Variants in ADAMTS20 observed in about 807,000 individuals in gnomAD.
ADAMTS20 encodes A disintegrin and metalloproteinase with thrombospondin motifs 20.
ADAMTS20 carries 225 observed loss-of-function variants against 260.1 expected under a neutral mutation model. That is an observed-to-expected ratio of 0.87 (90% CI 0.78 to 0.97). The LOEUF is 0.97. Ranked by LOEUF, ADAMTS20 falls within the 50% of genes least tolerant of loss-of-function variation. The probability of loss-of-function intolerance (pLI) is 0.00; values close to 1 mark genes in which losing one functional copy is unlikely to be tolerated. For synonymous variants in ADAMTS20, 802 were observed against 769.5 expected (o/e 1.04, Z -0.70); for missense variants, 2,400 against 2,337.7 (o/e 1.03, Z -0.55).
chr12:43,403,433 A>G (rs1471063694), intron 28 of ADAMTS20, among the ~76,000 whole-genome samples: 1 of 152,068 alleles, frequency 6.6e-6, no homozygotes, highest in African/African-American at 2.4e-5. Flanking sequence ...CTGGCACTGT[A>G]TCCTTTCTGA....
intron 28 of ADAMTS20, among the ~76,000 whole-genome samples, chr12:43,422,317 ACT>A (rs552527611): frequency 4.6e-5 from 7 of 151,856 alleles, no homozygotes; most frequent in Non-Finnish European, 7.4e-5. Flanking sequence ...ATGCATACAC[ACT>A]CTTAATTTTC....
intron 3 of ADAMTS20, among the ~76,000 whole-genome samples, chr12:43,511,924 A>G (rs1039088155): frequency 1.3e-5 from 2 of 152,112 alleles, no homozygotes; most frequent in African/African-American, 4.8e-5. Flanking sequence ...CCCTTGAGAT[A>G]AAGTGTGACC....
intron 18 of ADAMTS20, among the ~76,000 whole-genome samples, chr12:43,439,350 G>A (rs990801081): frequency 6.6e-6 from 1 of 152,154 alleles, no homozygotes; most frequent in Non-Finnish European, 1.5e-5. Flanking sequence ...TTCTGTGGCT[G>A]TGAAAAAGAG....
intron 2 of ADAMTS20, among the ~76,000 whole-genome samples, chr12:43,546,613 A>G (rs1218932070): frequency 6.6e-6 from 1 of 152,210 alleles, no homozygotes; most frequent in Non-Finnish European, 1.5e-5. Flanking sequence ...ATTTAACAAC[A>G]TTATGAGATG....
chr12:43,493,257 C>T lies in ADAMTS20; in HGVS notation c.868-4G>A. 1 of 1,532,986 alleles carries T rather than the reference C, an allele frequency of 6.5e-7. No individual in the cohort carries two copies. Among genetic ancestry groups the T allele is most frequent in the Non-Finnish European group, 8.8e-7 (1 of 1,136,434 alleles). 95.0% of individuals were successfully genotyped at this position (1,532,986 alleles called of 1,614,324 possible). On this transcript the variant is annotated splice_region_variant and splice_polypyrimidine_tract_variant and intron_variant, in intron 4 of 38. Transcript: ENST00000389420. ...GATCTTTGTAGATTGTTGCAACCTG[C>T]ATGTAAAAAAAATGTAGGATTAGTT...
intron 27 of ADAMTS20, among the ~76,000 whole-genome samples, chr12:43,426,676 A>G (rs563692816): frequency 6.2e-4 from 94 of 152,340 alleles, no homozygotes; most frequent in Middle Eastern, 6.8e-3. Context: ...AAGATTTGCC[A>G]AATGCATAAC....
At chr12:43,509,835 C>G (rs1942898816) in intron 3 of ADAMTS20, among the ~76,000 whole-genome samples, 1 of 152,070 alleles carries the variant, frequency 6.6e-6, no homozygotes, top group Non-Finnish European at 1.5e-5. Context: ...ACCAAACTGA[C>G]TGCTATAAAA....
intron 35 of ADAMTS20, 95 bp from the exon 36 acceptor site, chr12:43,375,607 T>G: frequency 2.2e-6 from 3 of 1,335,222 alleles, no homozygotes; most frequent in Non-Finnish European, 3.1e-6. Flanking sequence ...ACACTCCTGC[T>G]CTTTAATATT....
intron 3 of ADAMTS20, 31 bp from the exon 4 acceptor site, chr12:43,502,436 C>A (rs766742711): frequency 3.9e-6 from 6 of 1,547,624 alleles, no homozygotes; most frequent in South Asian, 3.8e-5. Context: ...TAATGCAGAG[C>A]CATTAAATTG....
intron 7 of ADAMTS20, among the ~76,000 whole-genome samples, chr12:43,484,420 G>A (rs559798077): frequency 1.3e-3 from 200 of 151,868 alleles, no homozygotes; most frequent in African/African-American, 4.6e-3. Flanking sequence ...AAAACAAATA[G>A]GATTTTTAAA....
chr12:43,446,782 A>G (rs1941770033), intron 14 of ADAMTS20, 70 bp from the exon 15 acceptor site: 5 of 1,236,226 alleles, frequency 4.0e-6, no homozygotes, highest in Non-Finnish European at 4.7e-6. Flanking sequence ...AGATCCAAAT[A>G]CATACAATCA....
intron 31 of ADAMTS20, among the ~76,000 whole-genome samples, chr12:43,380,075 T>A (rs1940317100): frequency 6.6e-6 from 1 of 151,370 alleles, no homozygotes; most frequent in Non-Finnish European, 1.5e-5. Flanking sequence ...CAGCAACACA[T>A]AAAAAGGATT....
chr12:43,444,911 C>T (rs1941732909), intron 15 of ADAMTS20, among the ~76,000 whole-genome samples: 1 of 152,144 alleles, frequency 6.6e-6, no homozygotes, highest in South Asian at 2.1e-4. Flanking sequence ...TAAGGCATCA[C>T]ATTTTTAGTG....
intron 36 of ADAMTS20, among the ~76,000 whole-genome samples, chr12:43,370,206 T>A (rs914634565): frequency 1.3e-5 from 2 of 152,162 alleles, no homozygotes; most frequent in Non-Finnish European, 2.9e-5. Flanking sequence ...ATTTGTCATA[T>A]CTCCAAAGGG....
chr12:43,448,903 C>A (rs1941811112), intron 14 of ADAMTS20, among the ~76,000 whole-genome samples: 1 of 152,072 alleles, frequency 6.6e-6, no homozygotes, highest in Non-Finnish European at 1.5e-5. Context: ...TATCACTGAT[C>A]ATTAGAGAAA....
Position 43,427,442 on chromosome 12 carries a change from G to A in ADAMTS20, c.3973C>T (p.Gln1325Ter), listed in dbSNP as rs1941355136. Residue 1325 changes from glutamine to a stop codon, truncating the protein, a stop_gained, in exon 27 of 39, where the codon CAG becomes TAG. Transcript: ENST00000389420. LOFTEE classifies it high-confidence loss of function. ...TCCTGGCAGACCACAGCCCTATGCT[G>A]AAGACCTCCAGAACAACTGCTGGAG... ...SCSSSCSGGL[Q>*]HRAVVCQDEN... The A allele has an allele frequency of 6.2e-7, 1 of 1,612,204 alleles. No homozygotes were observed. The highest frequency in any genetic ancestry group is 8.5e-7 in the Non-Finnish European group (1 of 1,179,136).
intron 29 of ADAMTS20, among the ~76,000 whole-genome samples, chr12:43,390,279 T>G (rs950935282): frequency 6.6e-6 from 1 of 152,258 alleles, no homozygotes; most frequent in African/African-American, 2.4e-5. Context: ...CCTGTTGTAC[T>G]GATAAACAGC....
intron 38 of ADAMTS20, among the ~76,000 whole-genome samples, chr12:43,354,708 GAT>G (rs1294105342): frequency 6.8e-6 from 1 of 147,596 alleles, no homozygotes; most frequent in African/African-American, 2.6e-5. Flanking sequence ...ATAAAAGAAA[GAT>G]ATTGTACAAA....
chr12:43,475,048 T>C (rs1375539838), intron 7 of ADAMTS20, among the ~76,000 whole-genome samples: 3 of 139,228 alleles, frequency 2.2e-5, no homozygotes, highest in African/African-American at 7.9e-5. Context: ...GGAAGTCAAA[T>C]TGTCCCTGTG....
Sources: gnomAD v4.1 joint callset for allele counts (sites outside exome capture counted in the v4.1 genomes callset) on GRCh38, gnomAD v4.1.1 for gene constraint, MANE v1.5 for transcripts, NCBI Gene and HGNC (gene_info 2026-07-23, HGNC 2026-07-21) for gene names.